HGSNAT: variants seen among roughly 807,000 people sequenced by gnomAD.
The protein encoded by HGSNAT is transmembrane protein 76.
A neutral mutation model predicts 85.2 loss-of-function variants in HGSNAT; 59 were observed. The observed-to-expected ratio is 0.69, with a 90% CI of 0.56 to 0.86. The LOEUF (loss-of-function observed/expected upper bound fraction) is 0.86, where lower values mean the gene tolerates loss of function less well. Ranked by LOEUF, HGSNAT falls within the 40% of genes least tolerant of loss-of-function variation. The pLI is 0.00. For synonymous variants in HGSNAT, 321 were observed against 304.5 expected, an observed-to-expected ratio of 1.05 and a Z score of -0.56; for missense variants, 756 against 777.1, an observed-to-expected ratio of 0.97 and a Z score of 0.32.
Position 43,158,725 on chromosome 8 carries a change from T to A in HGSNAT, c.371+14T>A. ...AGAAGTTTGTAGGTTTGTGCCTGCTTTGTTGTGATCTAAGTGAAGTCTGCA... is the reference window on the plus strand; with the variant it reads ...AGAAGTTTGTAGGTTTGTGCCTGCTATGTTGTGATCTAAGTGAAGTCTGCA... On this transcript the variant is annotated intron_variant, in intron 3 of 17. Transcript: ENST00000379644. 1 of 1,585,986 alleles carries A rather than the reference T, an allele frequency of 6.3e-7. No homozygotes were observed. Among genetic ancestry groups the A allele is most frequent in the East Asian group, 2.2e-5 (1 of 44,532 alleles).
At chr8:43,180,752 A>T in intron 10 of HGSNAT, 1 of 283,616 alleles carries the variant, frequency 3.5e-6, no homozygotes, top group South Asian at 2.7e-5. Flanking sequence ...GGCGGCTGGG[A>T]GGTGGTTGCA....
chr8:43,161,732 T>A (rs1803274131), intron 5 of HGSNAT, among the ~76,000 whole-genome samples: 2 of 152,190 alleles, frequency 1.3e-5, no homozygotes, highest in South Asian at 4.1e-4. Flanking sequence ...TTTCCTTCCT[T>A]CCTCCCACAT....
intron 1 of HGSNAT, among the ~76,000 whole-genome samples, chr8:43,144,297 C>T (rs531728850): frequency 2.0e-5 from 3 of 150,376 alleles, no homozygotes; most frequent in African/African-American, 7.4e-5. Context: ...TGCACTCCAG[C>T]CTGGGAGACA....
rs1374983522 is a variant in HGSNAT at position 43,150,867 on chromosome 8, A to AAATAAATG, written c.234+3806_234+3807insTAAATGAA. The stretch of plus-strand genomic sequence containing the variant: ...TAAATAAATAAATAAATAAATAAAT[A>AAATAAATG]AAATAAAATTGCTTTTGGAAAGAGA... On this transcript the variant is annotated intron_variant, in intron 2 of 17. Coordinates refer to ENST00000379644, the MANE Select transcript of HGSNAT (RefSeq NM_152419.3). Among the ~76,000 whole-genome samples the AAATAAATG allele has an allele frequency of 2.3e-3, 326 of 144,672 alleles. 1 individual carries two copies. The highest frequency in any genetic ancestry group is 8.1e-3 in the African/African-American group (317 of 39,372). 94.9% of individuals were successfully genotyped at this position (144,672 alleles called of 152,430 possible). A position where few individuals can be genotyped will look rare whatever the true frequency, so the allele number is the denominator to read the frequency against.
At chr8:43,144,057 G>T (rs1182728971) in intron 1 of HGSNAT, among the ~76,000 whole-genome samples, 1 of 152,048 alleles carries the variant, frequency 6.6e-6, no homozygotes, top group Non-Finnish European at 1.5e-5. Context: ...GGTGGCTCAC[G>T]CCTGTAGTCC....
chr8:43,191,523 G>A lies in HGSNAT; in HGVS notation c.1178G>A (p.Trp393Ter), dbSNP rs374835349. The change falls in exon 12 of 18, where the codon TGG becomes TAG. Residue 393 changes from tryptophan to a stop codon, truncating the protein, a stop_gained. Transcript: ENST00000379644. LOFTEE classifies it high-confidence loss of function. ...LRDITSSWPQ[W>*]LLILVLEGLW... Reference sequence around the variant, plus strand: ...GACATCACGTCCAGCTGGCCCCAGTGGCTGCTCATCCTGGTGCTGGAAGGC... The same window carrying A: ...GACATCACGTCCAGCTGGCCCCAGTAGCTGCTCATCCTGGTGCTGGAAGGC... 3.1e-6 allele frequency: 5 copies of A among 1,613,872 alleles called. No homozygotes were observed. Among genetic ancestry groups the A allele is most frequent in the Non-Finnish European group, 4.2e-6 (5 of 1,179,884 alleles).
intron 4 of HGSNAT, among the ~76,000 whole-genome samples, chr8:43,159,529 A>G (rs1803201716): frequency 1.3e-5 from 2 of 152,184 alleles, no homozygotes; most frequent in African/African-American, 4.8e-5. Flanking sequence ...CAGAAGTTGC[A>G]ATGAGCCAAG....
chr8:43,182,190 G>T lies in HGSNAT; in HGVS notation c.1058G>T (p.Gly353Val). 6.2e-7 allele frequency: 1 copy of T among 1,614,052 alleles called. No homozygotes were observed. The change falls in exon 11 of 18, where the codon GGA becomes GTA. Residue 353 changes from glycine (G) to valine (V), a missense_variant. Physicochemically the swap from Gly to Val is moderately radical, Grantham distance 109 (BLOSUM62 -3). Coordinates refer to ENST00000379644, the MANE Select transcript of HGSNAT (RefSeq NM_152419.3). ...ATTCCTGGTGTGCTGCAGCGATTGG[G>T]AGTGACATACTTTGTGGTTGCTGTG... The part of the protein sequence containing the change: ...VRIPGVLQRL[G>V]VTYFVVAVLE...
intron 8 of HGSNAT, among the ~76,000 whole-genome samples, chr8:43,172,617 CAG>C (rs1459583157): frequency 6.6e-6 from 1 of 152,198 alleles, no homozygotes; most frequent in Non-Finnish European, 1.5e-5. Flanking sequence ...ACTGTAATAA[CAG>C]ACTCTAGAAG....
chr8:43,140,680 GC>G, intron 1 of HGSNAT, 66 bp downstream of exon 1: 2 of 802,686 alleles, frequency 2.5e-6, no homozygotes, highest in Non-Finnish European at 3.2e-6. Context: ...CCGCGGCGCC[GC>G]CCCTATCTCC....
At position 43,200,184 on chromosome 8, in the gene HGSNAT, TC is replaced by T. The variant is rs1804873221; in HGVS notation, c.*616del. On this transcript the variant is annotated 3_prime_UTR_variant, in exon 18 of 18. Coordinates refer to ENST00000379644, the MANE Select transcript of HGSNAT (RefSeq NM_152419.3). The stretch of plus-strand genomic sequence containing the variant: ...TTTCCTCTCTCGAAAAGTTAAAATA[TC>T]TATGTGTTATTCCCAAACCCTCTTA... 2 of 152,224 alleles carry T rather than the reference TC, an allele frequency of 1.3e-5. No homozygotes were observed. Among genetic ancestry groups the T allele is most frequent in the Admixed American group, 6.5e-5 (1 of 15,274 alleles). The allele number at this position is 152,224 out of a possible 1,614,324, so 9.4% of individuals were successfully genotyped here. A position where few individuals can be genotyped will look rare whatever the true frequency, so the allele number is the denominator to read the frequency against.
At chr8:43,165,040 G>A (rs1803389540) in intron 5 of HGSNAT, among the ~76,000 whole-genome samples, 1 of 125,862 alleles carries the variant, frequency 7.9e-6, no homozygotes, top group South Asian at 2.7e-4. Context: ...GTGCCACCAT[G>A]ATAATTTTTT....
intron 11 of HGSNAT, among the ~76,000 whole-genome samples, chr8:43,187,034 C>T (rs1397034732): frequency 6.6e-6 from 1 of 152,174 alleles, no homozygotes; most frequent in African/African-American, 2.4e-5. Context: ...TGTTCTTTTA[C>T]ATTTGCTGAG....
At chr8:43,154,151 A>G (rs920962360) in intron 2 of HGSNAT, among the ~76,000 whole-genome samples, 4 of 152,164 alleles carry the variant, frequency 2.6e-5, no homozygotes. Context: ...GAAATTCCTT[A>G]TTAGCCACAC....
chr8:43,164,027 G>A (rs1031216654), intron 5 of HGSNAT, among the ~76,000 whole-genome samples: 1 of 152,124 alleles, frequency 6.6e-6, no homozygotes, highest in East Asian at 1.9e-4. Context: ...GCTATGTGAC[G>A]GTATTAAGGA....
chr8:43,196,994 T>G lies in HGSNAT; in HGVS notation c.1511T>G (p.Leu504Arg). The G allele has an allele frequency of 6.2e-7, 1 of 1,612,478 alleles. No homozygotes were observed. The highest frequency in any genetic ancestry group is 8.5e-7 in the Non-Finnish European group (1 of 1,178,586). Residue 504 changes from leucine to arginine, a missense_variant, in exon 15 of 18, where the codon CTG becomes CGG. Coordinates refer to ENST00000379644, the MANE Select transcript of HGSNAT (RefSeq NM_152419.3). ...LYYKARTKDI[L>R]IRFTAWCCIL... ...TACAAGGCTCGGACCAAAGACATCC[T>G]GATTCGATTCACTGCTTGGTGTTGT...
Position 43,170,603 on chromosome 8 carries a change from A to G in HGSNAT, c.652A>G (p.Arg218Gly), listed in dbSNP as rs541981232. The G allele has an allele frequency of 3.7e-6, 6 of 1,609,484 alleles. No individual in the cohort carries two copies. The East Asian group carries it at 1.3e-4, about 36-fold the overall frequency. Residue 218 changes from arginine to glycine, a missense_variant, in exon 7 of 18, where the codon AGG (arginine) becomes GGG (glycine). Coordinates refer to ENST00000379644, the MANE Select transcript of HGSNAT (RefSeq NM_152419.3). ...LINSELGSPS[R>G]TDPLDGDVQP... ...TCTGAAGGAGCTGGGATCTCCCAGCAGGACAGACCCTCTCGATGGTGATGT... is the reference window on the plus strand; with the variant it reads ...TCTGAAGGAGCTGGGATCTCCCAGCGGGACAGACCCTCTCGATGGTGATGT...
rs538592779 is a variant in HGSNAT, at chr8:43,158,827, A to G, written c.372-96A>G. On this transcript the variant is annotated intron_variant, in intron 3 of 17. Coordinates refer to ENST00000379644, the MANE Select transcript of HGSNAT (RefSeq NM_152419.3). ...TCTTTATCTTTTCTGGTCCGTACCC[A>G]GGAACATGTATTATTCTGCCTCCAT... is the stretch of plus-strand genomic sequence containing the variant. 1.0e-4 allele frequency: 153 copies of G among 1,501,998 alleles called. 2 individuals are homozygous for G. The South Asian group carries it at 1.6e-3, about 16-fold the overall frequency. The allele number at this position is 1,501,998 out of a possible 1,614,324, so 93.0% of individuals were successfully genotyped here.
At position 43,187,568 on chromosome 8, in the gene HGSNAT, C is replaced by A. The variant is rs947427071; in HGVS notation, c.1129-3906C>A. On this transcript the variant is annotated intron_variant, in intron 11 of 17. Coordinates refer to ENST00000379644, the MANE Select transcript of HGSNAT (RefSeq NM_152419.3). ...CGTGAGATGGGTCTCCTGAATACAGCACACTGATGGGTCTTGACTCTTTAT... is the reference window on the plus strand; with the variant it reads ...CGTGAGATGGGTCTCCTGAATACAGAACACTGATGGGTCTTGACTCTTTAT... Among the ~76,000 whole-genome samples the A allele has an allele frequency of 6.2e-4, 94 of 152,318 alleles. 1 individual carries two copies. Among genetic ancestry groups the A allele is most frequent in the African/African-American group, 2.2e-3 (91 of 41,566 alleles).
Sources: gnomAD v4.1 joint callset for allele counts (sites outside exome capture counted in the v4.1 genomes callset) on GRCh38, gnomAD v4.1.1 for gene constraint, MANE v1.5 for transcripts, NCBI Gene and HGNC (gene_info 2026-07-23, HGNC 2026-07-21) for gene names.